The following AASS variants were observed in gnomAD, a reference collection of about 807,000 sequenced individuals.
AASS encodes the protein alpha-aminoadipic semialdehyde synthase, mitochondrial.
In AASS, 86 loss-of-function variants were observed where a neutral mutation model predicts 105.4. That is an observed-to-expected ratio of 0.82 (90% CI 0.69 to 0.98). The LOEUF (loss-of-function observed/expected upper bound fraction) is 0.98. Among genes scored for constraint, AASS ranks in the 50% least tolerant of loss-of-function variants. AASS has a pLI of 0.00. For missense variants in AASS, 1,048 were observed against 1,143.2 expected, an observed-to-expected ratio of 0.92 and a Z score of 1.20; for synonymous variants, 381 against 394.8, an observed-to-expected ratio of 0.96 and a Z score of 0.41.
intron 6 of AASS, 27 bp from the exon 7 acceptor site, chr7:122,116,984 CA>C: frequency 6.3e-7 from 1 of 1,592,590 alleles, no homozygotes; most frequent in Non-Finnish European, 8.6e-7. Flanking sequence ...AGTAAAAATC[CA>C]AAAATCAATA....
chr7:122,127,102 C>G (rs1325702357), intron 3 of AASS, among the ~76,000 whole-genome samples: 4 of 152,098 alleles, frequency 2.6e-5, no homozygotes, highest in Non-Finnish European at 5.9e-5. Flanking sequence ...TTACAGGTAA[C>G]CTTCCTATTA....
Position 122,077,819 on chromosome 7 carries a change from C to T in AASS, c.2662+19G>A. 16 of 1,614,160 alleles carry T rather than the reference C, an allele frequency of 9.9e-6. No individual in the cohort carries two copies. The highest frequency in any genetic ancestry group is 1.2e-5 in the Non-Finnish European group (14 of 1,180,026). Reference sequence around the variant, plus strand: ...AGGTGAAACAGAAACAGGCTTACACCTCAAATGAACAGACTTACCATCAAG... The same window carrying T: ...AGGTGAAACAGAAACAGGCTTACACTTCAAATGAACAGACTTACCATCAAG... On this transcript the variant is annotated intron_variant, in intron 23 of 23. Transcript: ENST00000417368.
chr7:122,101,537 GGA>G (rs1424724321), intron 12 of AASS, 82 bp downstream of exon 12: 112 of 1,470,966 alleles, frequency 7.6e-5, no homozygotes, highest in Admixed American at 3.0e-4. Flanking sequence ...TGACAAAGAT[GGA>G]GAGAGAGAGA....
In AASS at chr7:122,091,863, T is replaced by C; in HGVS notation, c.1876-20A>G. Reference sequence around the variant, plus strand: ...TTCAATCTATAAATTAAAGAATCAATAAATAAGGAAGAATTCACAACTTAG... The same window carrying C: ...TTCAATCTATAAATTAAAGAATCAACAAATAAGGAAGAATTCACAACTTAG... On this transcript the variant is annotated intron_variant, in intron 17 of 23. Coordinates refer to ENST00000417368, the MANE Select transcript of AASS (RefSeq NM_005763.4). The C allele has an allele frequency of 6.5e-7, 1 of 1,534,976 alleles. No individual in the cohort carries two copies. The highest frequency in any genetic ancestry group is 1.4e-5 in the African/African-American group (1 of 72,978).
chr7:122,096,035 G>A lies in AASS; in HGVS notation c.1655+2415C>T, dbSNP rs547678836. On this transcript the variant is annotated intron_variant, in intron 15 of 23. Transcript: ENST00000417368. ...GGGATTAGAGTTCATAATTCGTCTC[G>A]AATATGATACAGTAAGCACTCAATG... Among the ~76,000 whole-genome samples the A allele has an allele frequency of 3.3e-4, 50 of 152,042 alleles. No individual in the cohort carries two copies. The South Asian group carries it at 6.4e-3, about 20-fold the overall frequency.
intron 5 of AASS, 22 bp from the exon 6 acceptor site, chr7:122,118,475 T>C: frequency 6.2e-7 from 1 of 1,614,112 alleles, no homozygotes; most frequent in South Asian, 1.1e-5. Context: ...CATACACAAC[T>C]CAAGTTAGTC....
At position 122,127,797 on chromosome 7, in the gene AASS, C is replaced by T. The variant is rs138679996; in HGVS notation, c.388-1338G>A. Among the ~76,000 whole-genome samples the T allele has an allele frequency of 4.6e-3, 693 of 152,230 alleles. 9 individuals carry two copies. Among genetic ancestry groups the T allele is most frequent in the Admixed American group, 0.014 (216 of 15,294 alleles). On this transcript the variant is annotated intron_variant, in intron 3 of 23. Coordinates refer to ENST00000417368, the MANE Select transcript of AASS (RefSeq NM_005763.4). ...TAGACTTCTTTTTCTATACTCCCTT[C>T]CTAGGCTCATCCAGTCTCGTGGCTC...
intron 11 of AASS, 124 bp from the exon 12 acceptor site, chr7:122,101,804 T>A (rs1794445466): frequency 2.6e-6 from 2 of 761,512 alleles, no homozygotes; most frequent in African/African-American, 3.5e-5. Flanking sequence ...TTTCTGAGGA[T>A]CACCGAGTAT....
chr7:122,114,997 T>C, intron 9 of AASS, 77 bp downstream of exon 9: 1 of 1,597,172 alleles, frequency 6.3e-7, no homozygotes, highest in Non-Finnish European at 8.6e-7. Flanking sequence ...TCAAGTCCTC[T>C]GATATGTGAT....
chr7:122,115,760 C>T (rs1795136974), intron 8 of AASS, among the ~76,000 whole-genome samples: 1 of 152,078 alleles, frequency 6.6e-6, no homozygotes, highest in Non-Finnish European at 1.5e-5. Flanking sequence ...AGGATGCATC[C>T]AATCACCAAT....
Position 122,079,620 on chromosome 7 carries a change from A to T in AASS, c.2373T>A (p.Asn791Lys), listed in dbSNP as rs753158874. The T allele has an allele frequency of 2.5e-6, 4 of 1,613,528 alleles. No homozygotes were observed. The highest frequency in any genetic ancestry group is 3.4e-6 in the Non-Finnish European group (4 of 1,179,564). Reference protein sequence around the residue: ...EAVLKKLGGDNTQLEAAEWLG... With the variant: ...EAVLKKLGGDKTQLEAAEWLG... Reference sequence around the variant, plus strand: ...ACCATTCAGCAGCCTCCAACTGGGTATTGTCTCCTCCTAGTTTCTTAAGAA... The same window carrying T: ...ACCATTCAGCAGCCTCCAACTGGGTTTTGTCTCCTCCTAGTTTCTTAAGAA... The change falls in exon 21 of 24, where the codon AAT becomes AAA. Residue 791 changes from asparagine to lysine, a missense_variant. Asn to Lys is a moderately conservative substitution (Grantham distance 94, BLOSUM62 0). Transcript: ENST00000417368.
chr7:122,128,017 A>G (rs376200932), intron 3 of AASS, among the ~76,000 whole-genome samples: 11 of 152,180 alleles, frequency 7.2e-5, no homozygotes, highest in African/African-American at 2.7e-4. Context: ...GCATCATGTC[A>G]TTCCATGACA....
At chr7:122,142,001 ACAAT>A (rs2150561168) in intron 1 of AASS, among the ~76,000 whole-genome samples, 1 of 152,274 alleles carries the variant, frequency 6.6e-6, no homozygotes, top group Non-Finnish European at 1.5e-5. Context: ...TACCAAAAAC[ACAAT>A]CAAGAAAGAG....
At chr7:122,081,885 C>T (rs1015960543) in intron 19 of AASS, 12 of 352,980 alleles carry the variant, frequency 3.4e-5, no homozygotes, top group African/African-American at 2.5e-4. Flanking sequence ...ACATAAAAGA[C>T]CTTGCAAAAC....
chr7:122,098,354 C>T, intron 15 of AASS, 96 bp downstream of exon 15: 1 of 1,449,536 alleles, frequency 6.9e-7, no homozygotes. Flanking sequence ...AACTTTACTC[C>T]AAAGGAGTAT....
chr7:122,077,786 T>C lies in AASS; in HGVS notation c.2662+52A>G, dbSNP rs367958255. On this transcript the variant is annotated intron_variant, in intron 23 of 23. Transcript: ENST00000417368. ...AATTACTTGATGTCCAGGCACCAAA[T>C]GGCTTGGAGGTGAAACAGAAACAGG... 2.5e-6 allele frequency: 4 copies of C among 1,605,092 alleles called. No homozygotes were observed. The Admixed American group carries it at 6.7e-5, about 27-fold the overall frequency.
chr7:122,094,412 G>T (rs1039614966), intron 15 of AASS, among the ~76,000 whole-genome samples: 13 of 151,752 alleles, frequency 8.6e-5, no homozygotes, highest in Admixed American at 3.9e-4. Flanking sequence ...TGTTTATTTT[G>T]TTTTTTTAAT....
chr7:122,076,906 A>C (rs575343157), intron 23 of AASS, among the ~76,000 whole-genome samples: 1 of 152,346 alleles, frequency 6.6e-6, no homozygotes, highest in African/African-American at 2.4e-5. Flanking sequence ...TAAAGTAAGA[A>C]GTAAAGTAAA....
intron 2 of AASS, among the ~76,000 whole-genome samples, chr7:122,129,838 G>A (rs1263214983): frequency 1.3e-5 from 2 of 152,116 alleles, no homozygotes; most frequent in Admixed American, 6.5e-5. Flanking sequence ...GCATACTTGT[G>A]AAATGTATAT....
Sources: gnomAD v4.1 joint callset for allele counts (sites outside exome capture counted in the v4.1 genomes callset) on GRCh38, gnomAD v4.1.1 for gene constraint, MANE v1.5 for transcripts, NCBI Gene and HGNC (gene_info 2026-07-23, HGNC 2026-07-21) for gene names.